Variants in TAFA2 observed in about 807,000 individuals in gnomAD.
TAFA2 encodes the protein chemokine-like protein TAFA-2.
In TAFA2, 7 loss-of-function variants were observed where a neutral mutation model predicts 18.8. That is an observed-to-expected ratio of 0.37 (90% confidence interval 0.21 to 0.70). The LOEUF (loss-of-function observed/expected upper bound fraction) is 0.70, where lower values mean the gene tolerates loss of function less well. Among genes scored for constraint, TAFA2 ranks in the 30% least tolerant of loss-of-function variants. The probability of loss-of-function intolerance (pLI) is 0.53; values close to 1 mark genes in which losing one functional copy is unlikely to be tolerated. For missense variants in TAFA2, 122 were observed against 158.1 expected (o/e 0.77, Z 1.23); for synonymous variants, 60 against 54.2 (o/e 1.11, Z -0.47).
chr12:61,715,792 A>T (rs866968269), intron 4 of TAFA2, among the ~76,000 whole-genome samples: 2 of 151,454 alleles, frequency 1.3e-5, no homozygotes, highest in Non-Finnish European at 2.9e-5. Context: ...GATGGTGCAC[A>T]CCTCTAGTCC....
At chr12:62,046,653 C>T (rs1881916805) in intron 1 of TAFA2, among the ~76,000 whole-genome samples, 2 of 151,932 alleles carry the variant, frequency 1.3e-5, no homozygotes, top group South Asian at 4.2e-4. Context: ...AATATTGTTG[C>T]TATAATAGTT....
intron 2 of TAFA2, among the ~76,000 whole-genome samples, chr12:61,796,762 G>A (rs1432878968): frequency 6.6e-6 from 1 of 152,128 alleles, no homozygotes; most frequent in East Asian, 1.9e-4. Context: ...CTTAATAGAT[G>A]AGAAAATAGT....
At position 61,979,285 on chromosome 12, in the gene TAFA2, T is replaced by A. The variant is rs77275120; in HGVS notation, c.-1-111859A>T. 2.2e-3 allele frequency among the ~76,000 whole-genome samples: 339 copies of A among 152,240 alleles called. 3 individuals are homozygous for A. Among genetic ancestry groups the A allele is most frequent in the African/African-American group, 7.7e-3 (320 of 41,550 alleles). On this transcript the variant is annotated intron_variant, in intron 1 of 4. Transcript: ENST00000416284. ...TAGTAATTATCCTTTGAGGAGCCAA[T>A]AACTCAGTGGAATTGCTGAATGGCA... is the stretch of plus-strand genomic sequence containing the variant.
At chr12:62,113,754 TC>T (rs1869838041) in intron 1 of TAFA2, among the ~76,000 whole-genome samples, 1 of 152,128 alleles carries the variant, frequency 6.6e-6, no homozygotes, top group Admixed American at 6.5e-5. Context: ...CAATGGGCAC[TC>T]CCCAGTTTAA....
At chr12:62,024,140 C>T (rs190621796) in intron 1 of TAFA2, among the ~76,000 whole-genome samples, 11 of 152,198 alleles carry the variant, frequency 7.2e-5, no homozygotes, top group Non-Finnish European at 1.2e-4. Flanking sequence ...CCCTCTCATC[C>T]CAACAAAATC....
intron 1 of TAFA2, among the ~76,000 whole-genome samples, chr12:61,986,096 G>A (rs1203545930): frequency 7.4e-6 from 1 of 135,196 alleles, no homozygotes. Flanking sequence ...TTTGTATTAT[G>A]TTCAGTGTAT....
At chr12:61,715,779 C>T (rs999124784) in intron 4 of TAFA2, among the ~76,000 whole-genome samples, 1 of 151,654 alleles carries the variant, frequency 6.6e-6, no homozygotes, top group Non-Finnish European at 1.5e-5. Flanking sequence ...ATTAGCCAGT[C>T]GTGATGGTGC....
intron 1 of TAFA2, among the ~76,000 whole-genome samples, chr12:61,906,632 ACTGG>A (rs1259815843): frequency 1.3e-5 from 2 of 150,886 alleles, no homozygotes; most frequent in Non-Finnish European, 3.0e-5. Flanking sequence ...TGACTTTGGA[ACTGG>A]GTAACAGGCA....
At chr12:62,233,918 G>A (rs2136985576) in intron 1 of TAFA2, among the ~76,000 whole-genome samples, 1 of 152,310 alleles carries the variant, frequency 6.6e-6, no homozygotes, top group South Asian at 2.1e-4. Context: ...GAGCAGGGCA[G>A]ACACAGCCAA....
chr12:61,976,923 T>C (rs957321450), intron 1 of TAFA2, among the ~76,000 whole-genome samples: 1 of 152,026 alleles, frequency 6.6e-6, no homozygotes, highest in Non-Finnish European at 1.5e-5. Context: ...CAGTCTATCA[T>C]TGATGGACAT....
At chr12:61,727,584 T>C (rs11174145) in intron 4 of TAFA2, among the ~76,000 whole-genome samples, 3,425 of 152,128 alleles carry the variant, frequency 0.023, 134 homozygotes, top group African/African-American at 0.078. Flanking sequence ...TTGTTTCTAA[T>C]TGAGCTTATT....
At chr12:61,911,186 A>G (rs892342218) in intron 1 of TAFA2, among the ~76,000 whole-genome samples, 1 of 152,168 alleles carries the variant, frequency 6.6e-6, no homozygotes, top group Non-Finnish European at 1.5e-5. Flanking sequence ...TTACCCCAAA[A>G]AAATAGCAAT....
chr12:61,792,675 T>C (rs1871031822), intron 2 of TAFA2, among the ~76,000 whole-genome samples: 1 of 151,490 alleles, frequency 6.6e-6, no homozygotes, highest in Non-Finnish European at 1.5e-5. Context: ...GTGCAAATAA[T>C]ATTAACAGAG....
intron 1 of TAFA2, among the ~76,000 whole-genome samples, chr12:62,244,055 G>A (rs10437960): frequency 0.013 from 1,916 of 148,612 alleles, 42 homozygotes; most frequent in African/African-American, 0.045. Flanking sequence ...TTCCCAAAGT[G>A]TTGGGATTAC....
chr12:61,867,273 G>GTAGTCATCATCCACATT, intron 2 of TAFA2, 47 bp downstream of exon 2: 1 of 1,157,344 alleles, frequency 8.6e-7, no homozygotes, highest in Non-Finnish European at 1.3e-6. Flanking sequence ...TGTGTTAAGG[G>GTAGTCATCATCCACATT]TAGTCATCAT....
intron 1 of TAFA2, among the ~76,000 whole-genome samples, chr12:61,907,838 G>T (rs1033100495): frequency 2.0e-5 from 3 of 152,232 alleles, no homozygotes; most frequent in Non-Finnish European, 4.4e-5. Context: ...CTGGATGTGA[G>T]ACATGGACTC....
At chr12:61,807,780 C>A (rs1007548218) in intron 2 of TAFA2, among the ~76,000 whole-genome samples, 3 of 151,366 alleles carry the variant, frequency 2.0e-5, no homozygotes, top group Non-Finnish European at 4.4e-5. Flanking sequence ...AAGATTTGAC[C>A]GCCCCACTGG....
intron 1 of TAFA2, among the ~76,000 whole-genome samples, chr12:62,119,424 C>T (rs1422792604): frequency 6.6e-6 from 1 of 152,160 alleles, no homozygotes; most frequent in East Asian, 1.9e-4. Flanking sequence ...ATTTAAAAAT[C>T]TGTTTTGACT....
At chr12:62,182,964 G>A (rs910562043) in intron 1 of TAFA2, among the ~76,000 whole-genome samples, 1 of 152,130 alleles carries the variant, frequency 6.6e-6, no homozygotes, top group African/African-American at 2.4e-5. Context: ...TACTAAAATG[G>A]TAAATATCAT....
Sources: gnomAD v4.1 joint callset for allele counts (sites outside exome capture counted in the v4.1 genomes callset) on GRCh38, gnomAD v4.1.1 for gene constraint, MANE v1.5 for transcripts, NCBI Gene and HGNC (gene_info 2026-07-23, HGNC 2026-07-21) for gene names.